Variants in C5AR1 observed in about 807,000 individuals in gnomAD.
C5AR1 encodes the protein complement C5a receptor 1, also known as C5a anaphylatoxin chemotactic receptor 1.
In C5AR1, 4 loss-of-function variants were observed where a neutral mutation model predicts 2.4. The ratio of observed to expected loss-of-function variants is 1.65; its 90% CI spans 0.81 to 3.77. C5AR1 has a LOEUF of 3.77. C5AR1 is among the 30% of genes most tolerant of loss of function. C5AR1 has a pLI of 0.01. For synonymous variants in C5AR1, 209 were observed against 210.4 expected (o/e 0.99, Z 0.06); for missense variants, 418 against 462.5 (o/e 0.90, Z 0.88).
rs34731685 is a variant in C5AR1, at chr19:47,319,304, A to ATTTTT, written c.4-459_4-455dup. 8.5e-5 allele frequency among the ~76,000 whole-genome samples: 8 copies of ATTTTT among 94,134 alleles called. 1 individual carries two copies. The highest frequency in any genetic ancestry group is 1.3e-4 in the Non-Finnish European group (7 of 51,994). 61.8% of individuals were successfully genotyped at this position (94,134 alleles called of 152,430 possible). A position where few individuals can be genotyped will look rare whatever the true frequency, so the allele number is the denominator to read the frequency against. On this transcript the variant is annotated intron_variant, in intron 1 of 1. Transcript: ENST00000355085. ...GGTCCAACTAGCATGGAATCATTTC[A>ATTTTT]TTTTTTTTTTTTTTTTTTTTTTGAG... is the stretch of plus-strand genomic sequence containing the variant.
Position 47,310,008 on chromosome 19 carries a change from TCTCC to T in C5AR1, c.3+113_3+116del, listed in dbSNP as rs1450816400. ...ACTCTCGCCGTCAACTCTGTCTGTCTCTCCCTTTCCTTCTCTCTCCCTGTCTTCC... is the reference window on the plus strand; with the variant it reads ...ACTCTCGCCGTCAACTCTGTCTGTCTCTTTCCTTCTCTCTCCCTGTCTTCC... On this transcript the variant is annotated intron_variant, in intron 1 of 1. Coordinates refer to ENST00000355085, the MANE Select transcript of C5AR1 (RefSeq NM_001736.4). 5.3e-6 allele frequency: 6 copies of T among 1,134,814 alleles called. No homozygotes were observed. In the African/African-American group the frequency reaches 7.8e-5, roughly 15 times the overall value. The allele number at this position is 1,134,814 out of a possible 1,614,324, so 70.3% of individuals were successfully genotyped here.
intron 1 of C5AR1, among the ~76,000 whole-genome samples, chr19:47,314,331 A>C (rs574994459): frequency 6.6e-6 from 1 of 152,196 alleles, no homozygotes; most frequent in South Asian, 2.1e-4. Flanking sequence ...GCACTGCCCA[A>C]TATGTGGGCC....
At position 47,320,904 on chromosome 19, in the gene C5AR1, A is replaced by G. The variant is rs1415656793; in HGVS notation, c.*74A>G. ...CCATTCTCCCTCTTGTTTTCACTTCACTTTTCGTGGGATGGTGTTACCTTA... is the reference window on the plus strand; with the variant it reads ...CCATTCTCCCTCTTGTTTTCACTTCGCTTTTCGTGGGATGGTGTTACCTTA... On this transcript the variant is annotated 3_prime_UTR_variant, in exon 2 of 2. Transcript: ENST00000355085. The surrounding 1 kb of genome is among the most constrained non-coding windows in gnomAD (Gnocchi z 4.9). The G allele has an allele frequency of 2.9e-6, 4 of 1,357,274 alleles. No homozygotes were observed. Among genetic ancestry groups the G allele is most frequent in the African/African-American group, 2.9e-5 (2 of 68,414 alleles). The allele number at this position is 1,357,274 out of a possible 1,614,324, so 84.1% of individuals were successfully genotyped here.
chr19:47,313,565 G>A (rs907817519), intron 1 of C5AR1, among the ~76,000 whole-genome samples: 4 of 151,714 alleles, frequency 2.6e-5, no homozygotes, highest in Non-Finnish European at 5.9e-5. Context: ...TGGCTAACAC[G>A]GTGAAACCCT....
chr19:47,321,471 A>G lies in C5AR1; in HGVS notation c.*641A>G, dbSNP rs1278069979. The G allele has an allele frequency of 1.3e-5, 2 of 151,950 alleles. No homozygotes were observed. The highest frequency in any genetic ancestry group is 4.8e-5 in the African/African-American group (2 of 41,342). 9.4% of individuals were successfully genotyped at this position (151,950 alleles called of 1,614,324 possible). ...TAAAAATACAAAAAATTAACTGGGC[A>G]TGGTAGTGGGTGCCTGTAATCCCAG... On this transcript the variant is annotated 3_prime_UTR_variant, in exon 2 of 2. Transcript: ENST00000355085.
At chr19:47,308,282 C>T (rs2059259925), upstream of C5AR1, among the ~76,000 whole-genome samples, 1 of 150,676 alleles carries the variant, frequency 6.6e-6, no homozygotes, top group Admixed American at 6.6e-5. Context: ...ATCTGGGTTG[C>T]AAGCTCCTTA....
chr19:47,320,704 C>G lies in C5AR1; in HGVS notation c.927C>G (p.Gly309=). 1 of 1,614,198 alleles carries G rather than the reference C, an allele frequency of 6.2e-7. No individual in the cohort carries two copies. The highest frequency in any genetic ancestry group is 8.5e-7 in the Non-Finnish European group (1 of 1,180,046). ...IYVVAGQGFQ[G]RLRKSLPSLL... is the part of the protein sequence containing the mutation. ...TGGTGGCCGGCCAGGGCTTCCAGGG[C>G]CGACTGCGGAAATCCCTCCCCAGCC... Residue 309 remains glycine (G), a synonymous_variant, in exon 2 of 2, where the codon GGC becomes GGG. Transcript: ENST00000355085. The surrounding 1 kb of genome is among the most constrained non-coding windows in gnomAD (Gnocchi z 4.9).
At position 47,320,021 on chromosome 19, in the gene C5AR1, G is replaced by A. The variant is rs200289506; in HGVS notation, c.244G>A (p.Asp82Asn). The A allele has an allele frequency of 6.2e-6, 10 of 1,614,098 alleles. No individual in the cohort carries two copies. Among genetic ancestry groups the A allele is most frequent in the African/African-American group, 1.3e-5 (1 of 74,946 alleles). Residue 82 changes from aspartate (D) to asparagine (N), a missense_variant, in exon 2 of 2, where the codon GAC (aspartate) becomes AAC (asparagine). By Grantham distance (23) the Asp-to-Asn change is conservative. Coordinates refer to ENST00000355085, the MANE Select transcript of C5AR1 (RefSeq NM_001736.4). This position sits in a 1 kb window ranked among gnomAD's most constrained non-coding sequence, Gnocchi z 4.9. The stretch of plus-strand genomic sequence containing the variant: ...CTGGTTCCTCAACTTGGCGGTAGCC[G>A]ACTTCCTCTCCTGCCTGGCGCTGCC... Reference protein sequence around the residue: ...AIWFLNLAVADFLSCLALPIL... With the variant: ...AIWFLNLAVANFLSCLALPIL...
At chr19:47,313,621 G>GT (rs1386846230) in intron 1 of C5AR1, among the ~76,000 whole-genome samples, 1 of 152,030 alleles carries the variant, frequency 6.6e-6, no homozygotes, top group Admixed American at 6.6e-5. Flanking sequence ...GCGGGCACCT[G>GT]TAGTCCCAGC....
chr19:47,312,688 GA>G (rs1465455675), intron 1 of C5AR1, among the ~76,000 whole-genome samples: 1 of 152,166 alleles, frequency 6.6e-6, no homozygotes. Context: ...TAACCTTGAG[GA>G]AGGTACTTCA....
chr19:47,315,466 G>C (rs372520330), intron 1 of C5AR1, among the ~76,000 whole-genome samples: 1 of 152,310 alleles, frequency 6.6e-6, no homozygotes, highest in Admixed American at 6.5e-5. Flanking sequence ...GTGACAAGGC[G>C]ATGTCAGAGC....
rs548712916 is a variant in C5AR1, at chr19:47,321,823, A to G, written c.*993A>G. ...GTAGTCTCATAACCAGGATATTGAC[A>G]TTGATACAGTGAAGATACAGGACAT... On this transcript the variant is annotated 3_prime_UTR_variant, in exon 2 of 2. Transcript: ENST00000355085. 7.2e-5 allele frequency: 11 copies of G among 152,236 alleles called. No individual in the cohort carries two copies. The highest frequency in any genetic ancestry group is 6.5e-4 in the Admixed American group (10 of 15,276). The allele number at this position is 152,236 out of a possible 1,614,324, so 9.4% of individuals were successfully genotyped here.
chr19:47,319,304 A>ATTTT (rs34731685), intron 1 of C5AR1, among the ~76,000 whole-genome samples: 36 of 94,132 alleles, frequency 3.8e-4, no homozygotes, highest in Admixed American at 7.4e-4. Context: ...GAATCATTTC[A>ATTTT]TTTTTTTTTT....
In C5AR1 at chr19:47,320,220, G is replaced by C; in HGVS notation, c.443G>C (p.Arg148Pro). ...AAACCCATCTGGTGCCAGAACTTCC[G>C]AGGGGCTGGCTTGGCCTGGATCGCC... ...VFKPIWCQNF[R>P]GAGLAWIACA... Residue 148 changes from arginine (R) to proline (P), a missense_variant, in exon 2 of 2, where the codon CGA becomes CCA. Transcript: ENST00000355085. This position sits in a 1 kb window ranked among gnomAD's most constrained non-coding sequence, Gnocchi z 4.9. 6.2e-7 allele frequency: 1 copy of C among 1,614,168 alleles called. No homozygotes were observed. Among genetic ancestry groups the C allele is most frequent in the Non-Finnish European group, 8.5e-7 (1 of 1,180,028 alleles).
chr19:47,310,372 A>G (rs2059266074), intron 1 of C5AR1, among the ~76,000 whole-genome samples: 1 of 152,034 alleles, frequency 6.6e-6, no homozygotes, highest in Non-Finnish European at 1.5e-5. Context: ...AAAGAATTCC[A>G]CAAGTGAAGA....
upstream of C5AR1, chr19:47,307,845 G>C (rs543674968): frequency 1.3e-5 from 2 of 152,292 alleles, no homozygotes; most frequent in African/African-American, 2.4e-5. Flanking sequence ...AGCTTCATCT[G>C]TATTTATAGC....
chr19:47,310,165 T>C (rs941350081), intron 1 of C5AR1, among the ~76,000 whole-genome samples: 7 of 152,124 alleles, frequency 4.6e-5, no homozygotes, highest in Admixed American at 4.6e-4. Context: ...CCCGAGAAGA[T>C]TCCCCAGGGG....
Position 47,319,715 on chromosome 19 carries a change from A to G in C5AR1, c.4-66A>G, listed in dbSNP as rs2059301704. On this transcript the variant is annotated intron_variant, in intron 1 of 1. Transcript: ENST00000355085. ...AGGGGAAAAGCCACATGCCTGAGCC[A>G]GGATGCCCCCTACCCGGGCACATGT... 10 of 1,031,810 alleles carry G rather than the reference A, an allele frequency of 9.7e-6. No homozygotes were observed. In the South Asian group the frequency reaches 1.5e-4, roughly 15 times the overall value. 63.9% of individuals were successfully genotyped at this position (1,031,810 alleles called of 1,614,324 possible).
At chr19:47,317,273 A>C (rs1264805101) in intron 1 of C5AR1, among the ~76,000 whole-genome samples, 1 of 151,524 alleles carries the variant, frequency 6.6e-6, no homozygotes, top group Non-Finnish European at 1.5e-5. Flanking sequence ...TTGGGAGACC[A>C]AGGCCGGAGG....
Sources: allele counts gnomAD v4.1 joint callset (sites outside exome capture counted in the v4.1 genomes callset), GRCh38; gene constraint gnomAD v4.1.1; non-coding constraint Gnocchi (gnomAD v3.1); transcripts MANE v1.5; gene names NCBI Gene and HGNC (gene_info 2026-07-23, HGNC 2026-07-21).